The following ANO7 variants were observed in gnomAD, a reference collection of about 807,000 sequenced individuals.
The protein encoded by ANO7 is anoctamin-7.
A neutral mutation model predicts 115.8 loss-of-function variants in ANO7; 114 were observed. That is an observed-to-expected ratio of 0.98 (90% CI 0.85 to 1.15). ANO7 has a LOEUF of 1.15. ANO7 is among the 50% of genes most tolerant of loss of function. The pLI, the probability that ANO7 is intolerant of heterozygous loss-of-function variation, is 0.00. For synonymous variants in ANO7, 550 were observed against 498.2 expected (o/e 1.10, Z -1.38); for missense variants, 1,302 against 1,201.2 (o/e 1.08, Z -1.24).
intron 11 of ANO7, among the ~76,000 whole-genome samples, chr2:241,208,953 T>C (rs575561984): frequency 2.5e-4 from 38 of 152,130 alleles, no homozygotes; most frequent in South Asian, 2.3e-3. Flanking sequence ...ATCGAGACCA[T>C]CCTGGCTAAC....
chr2:241,235,157 C>A, the ANO7 span: 1 of 1,614,078 alleles, frequency 6.2e-7, no homozygotes, highest in Non-Finnish European at 8.5e-7. Context: ...CCTTCACACG[C>A]TCCAGCAGTC....
chr2:241,217,722 C>G lies in ANO7; in HGVS notation c.2009C>G (p.Ala670Gly). The G allele has an allele frequency of 5.6e-6, 9 of 1,599,318 alleles. No homozygotes were observed. The highest frequency in any genetic ancestry group is 7.7e-6 in the Non-Finnish European group (9 of 1,173,624). The change falls in exon 20 of 25, where the codon GCC becomes GGC. Residue 670 changes from alanine (A) to glycine (G), a missense_variant. Coordinates refer to ENST00000674324, the MANE Select transcript of ANO7 (RefSeq NM_001370694.2). ...GGCTTCGTCACCATCTTCGTGGCCGCCTGTCCGCTCGCGCCGCTCTTCGCC... is the reference window on the plus strand; with the variant it reads ...GGCTTCGTCACCATCTTCGTGGCCGGCTGTCCGCTCGCGCCGCTCTTCGCC... ...QFGFVTIFVA[A>G]CPLAPLFALL...
At chr2:241,236,371 G>C in the ANO7 span, 1 of 546,118 alleles carries the variant, frequency 1.8e-6, no homozygotes. Context: ...TGAGAGGCCG[G>C]ATCCCATGCA....
chr2:241,189,100 T>TG (rs1196848736), intron 1 of ANO7, among the ~76,000 whole-genome samples: 3 of 152,054 alleles, frequency 2.0e-5, no homozygotes, highest in African/African-American at 7.2e-5. Context: ...CACAGAAGGA[T>TG]GGGGGCATGA....
the ANO7 span, among the ~76,000 whole-genome samples, chr2:241,233,043 G>A: frequency 6.6e-6 from 1 of 152,238 alleles, no homozygotes; most frequent in African/African-American, 2.4e-5. The surrounding 1 kb of genome is among the most constrained non-coding windows in gnomAD (Gnocchi z 4.3). Context: ...CACAGTGGGA[G>A]CGAGGGGCGT....
chr2:241,234,468 A>AG, the ANO7 span, among the ~76,000 whole-genome samples: 1 of 152,198 alleles, frequency 6.6e-6, no homozygotes, highest in African/African-American at 2.4e-5. Context: ...ACACCATGTG[A>AG]GGTTCACGAG....
chr2:241,226,253 C>G (rs948129549), downstream of ANO7, among the ~76,000 whole-genome samples: 1 of 151,980 alleles, frequency 6.6e-6, no homozygotes. Context: ...TTGCATTTGG[C>G]GTCTGCCGTG....
the ANO7 span, among the ~76,000 whole-genome samples, chr2:241,232,566 G>A: frequency 6.6e-6 from 1 of 152,314 alleles, no homozygotes; most frequent in African/African-American, 2.4e-5. Flanking sequence ...GTGAGCCACT[G>A]TGACTCACCT....
At chr2:241,232,244 T>C in the ANO7 span, among the ~76,000 whole-genome samples, 1 of 151,536 alleles carries the variant, frequency 6.6e-6, no homozygotes, top group African/African-American at 2.4e-5. Flanking sequence ...CATGGTGTAT[T>C]AGATGGAATA....
At chr2:241,195,037 A>C (rs1252779258) in intron 3 of ANO7, among the ~76,000 whole-genome samples, 1 of 152,300 alleles carries the variant, frequency 6.6e-6, no homozygotes, top group Non-Finnish European at 1.5e-5. Context: ...CTGTGTATGA[A>C]TAGCTTGGTG....
Position 241,209,333 on chromosome 2 carries a change from A to G in ANO7, c.1126A>G (p.Met376Val), listed in dbSNP as rs746772503. The change falls in exon 12 of 25, where the codon ATG becomes GTG. Residue 376 changes from methionine to valine, a missense_variant. Physicochemically the swap from Met to Val is conservative, Grantham distance 21. Transcript: ENST00000674324. ...HGGTVFFSLF[M>V]ALWAVLLLEY... ...CGGCACCGTGTTCTTCAGCTTGTTC[A>G]TGGCACTGTGGGCCGTGCTGCTGCT... The G allele has an allele frequency of 2.5e-6, 4 of 1,575,750 alleles. No individual in the cohort carries two copies. The highest frequency in any genetic ancestry group is 2.7e-5 in the African/African-American group (2 of 74,124).
chr2:241,237,422 A>C, the ANO7 span, among the ~76,000 whole-genome samples: 1 of 152,334 alleles, frequency 6.6e-6, no homozygotes, highest in African/African-American at 2.4e-5. Context: ...AAGTGTCACA[A>C]AACAGACACA....
In ANO7 at chr2:241,209,686, T is replaced by C. The variant is rs1415878894; in HGVS notation, c.1359+51T>C. The C allele has an allele frequency of 1.3e-5, 20 of 1,494,880 alleles. No individual in the cohort carries two copies. In the East Asian group the frequency reaches 3.9e-4, roughly 29 times the overall value. The allele number at this position is 1,494,880 out of a possible 1,614,324, so 92.6% of individuals were successfully genotyped here. On this transcript the variant is annotated intron_variant, in intron 13 of 24. Transcript: ENST00000674324. ...CACGCCTCCATCCTCCTGCACCATGTGGGGTGGTTTTGTCCCCCATCTCAC... is the reference window on the plus strand; with the variant it reads ...CACGCCTCCATCCTCCTGCACCATGCGGGGTGGTTTTGTCCCCCATCTCAC...
At chr2:241,205,016 C>CG (rs1193621461) in intron 10 of ANO7, 61 bp downstream of exon 10, 12 of 1,485,308 alleles carry the variant, frequency 8.1e-6, no homozygotes, top group Admixed American at 6.8e-5. Context: ...GGGTGTGGGG[C>CG]GGGGGGACCC....
At chr2:241,199,511 G>A in intron 5 of ANO7, 88 bp downstream of exon 5, 4 of 1,362,986 alleles carry the variant, frequency 2.9e-6, no homozygotes, top group Non-Finnish European at 4.1e-6. Context: ...AGCCTCAGGA[G>A]GGCTCCCTGC....
Position 241,224,446 on chromosome 2 carries a change from C to T in ANO7, c.*293C>T. On this transcript the variant is annotated 3_prime_UTR_variant, in exon 25 of 25. Coordinates refer to ENST00000674324, the MANE Select transcript of ANO7 (RefSeq NM_001370694.2). ...CCAAGGGACCCTGTCCCTCGGTGGC[C>T]TCCCCAGGCCCCTGGACACGACAGT... The T allele has an allele frequency of 2.2e-6, 1 of 446,250 alleles. No individual in the cohort carries two copies. The highest frequency in any genetic ancestry group is 2.5e-5 in the South Asian group (1 of 39,898). 27.6% of individuals were successfully genotyped at this position (446,250 alleles called of 1,614,324 possible).
At chr2:241,217,658 G>A (rs759574295) in intron 19 of ANO7, 28 bp from the exon 20 acceptor site, 2 of 1,554,256 alleles carry the variant, frequency 1.3e-6, no homozygotes. Flanking sequence ...CGGTGGCGGA[G>A]AGCCCGGCCG....
At chr2:241,230,773 T>A (rs201478473), downstream of ANO7, 61 of 1,614,180 alleles carry the variant, frequency 3.8e-5, no homozygotes, top group Non-Finnish European at 4.8e-5. The surrounding 1 kb of genome is among the most constrained non-coding windows in gnomAD (Gnocchi z 5.0). Flanking sequence ...AATTCGTCCA[T>A]GATTTTGCGA....
chr2:241,189,341 C>T (rs1216234058), intron 1 of ANO7, among the ~76,000 whole-genome samples: 1 of 152,166 alleles, frequency 6.6e-6, no homozygotes. Flanking sequence ...CCTCCTGCGG[C>T]GCCTCCATGG....
Sources: allele counts gnomAD v4.1 joint callset (sites outside exome capture counted in the v4.1 genomes callset), GRCh38; gene constraint gnomAD v4.1.1; non-coding constraint Gnocchi (gnomAD v3.1); transcripts MANE v1.5; gene names NCBI Gene and HGNC (gene_info 2026-07-23, HGNC 2026-07-21).